The following ANKMY1 variants were observed in gnomAD, a reference collection of about 807,000 sequenced individuals.
ANKMY1 encodes ankyrin repeat and MYND domain-containing protein 1.
A neutral mutation model predicts 102.0 loss-of-function variants in ANKMY1; 98 were observed. That is an observed-to-expected ratio of 0.96 (90% CI 0.82 to 1.14). ANKMY1 has a LOEUF of 1.14. Ranked by LOEUF, ANKMY1 falls within the 50% of genes most tolerant of loss-of-function variation. ANKMY1 has a pLI of 0.00. For synonymous variants in ANKMY1, 582 were observed against 559.9 expected, an observed-to-expected ratio of 1.04 and a Z score of -0.56; for missense variants, 1,330 against 1,347.6, an observed-to-expected ratio of 0.99 and a Z score of 0.20.
chr2:240,530,568 C>G (rs933004793), intron 4 of ANKMY1, among the ~76,000 whole-genome samples: 5 of 152,220 alleles, frequency 3.3e-5, no homozygotes, highest in Non-Finnish European at 7.3e-5. Context: ...CCTGTACAAC[C>G]TGCAGAACCA....
Position 240,512,832 on chromosome 2 carries a change from G to A in ANKMY1, c.2115C>T (p.Ser705=), listed in dbSNP as rs377708027. The A allele has an allele frequency of 1.2e-5, 19 of 1,613,944 alleles. No individual in the cohort carries two copies. The highest frequency in any genetic ancestry group is 8.9e-5 in the East Asian group (4 of 44,860). Residue 705 remains serine, a synonymous_variant, in exon 10 of 18, where the codon TCC becomes TCT. Transcript: ENST00000401804. The part of the protein sequence containing the change: ...HAITDVDAKA[S]DEDDTYKPGK... ...CGGGCTTGTAAGTGTCGTCCTCGTC[G>A]GATGCCTTGGCGTCCACATCGGTGA...
chr2:240,485,811 T>C (rs1288371585), intron 15 of ANKMY1, among the ~76,000 whole-genome samples: 2 of 152,146 alleles, frequency 1.3e-5, no homozygotes, highest in Non-Finnish European at 2.9e-5. Context: ...CAGGTTGGTC[T>C]TAAACTCCTG....
chr2:240,488,813 G>A (rs1179919354), intron 15 of ANKMY1, among the ~76,000 whole-genome samples: 1 of 152,100 alleles, frequency 6.6e-6, no homozygotes, highest in East Asian at 1.9e-4. Context: ...TTGTATTTTA[G>A]TTTTGTATCC....
Position 240,520,287 on chromosome 2 carries a change from G to A in ANKMY1, c.2004+75C>T, listed in dbSNP as rs1185952059. The A allele has an allele frequency of 2.7e-6, 4 of 1,486,350 alleles. No homozygotes were observed. Among genetic ancestry groups the A allele is most frequent in the African/African-American group, 2.8e-5 (2 of 71,206 alleles). 92.1% of individuals were successfully genotyped at this position (1,486,350 alleles called of 1,614,324 possible). A position where few individuals can be genotyped will look rare whatever the true frequency, so the allele number is the denominator to read the frequency against. ...CCACCCCTCTCTTCCGCGCCTAGGTGGAGCGAGGAGCTTCCCGGCCAGTGC... is the reference window on the plus strand; with the variant it reads ...CCACCCCTCTCTTCCGCGCCTAGGTAGAGCGAGGAGCTTCCCGGCCAGTGC... On this transcript the variant is annotated intron_variant, in intron 9 of 17. Coordinates refer to ENST00000401804, the MANE Select transcript of ANKMY1 (RefSeq NM_001282771.3). The surrounding 1 kb of genome is among the most constrained non-coding windows in gnomAD (Gnocchi z 4.8).
At chr2:240,494,305 G>C (rs2076983398) in intron 15 of ANKMY1, among the ~76,000 whole-genome samples, 1 of 152,194 alleles carries the variant, frequency 6.6e-6, no homozygotes, top group Non-Finnish European at 1.5e-5. Flanking sequence ...GGTGGAAAAT[G>C]CATGTCTCCT....
In ANKMY1 at chr2:240,510,126, TTGCCCTCCCTGCCCTCCTCCCCAATCCG is replaced by T. The variant is rs1434034459; in HGVS notation, c.2287-699_2287-672del. ...CCTCCTTGCCCTTGTCTTCCCATCC[TTGCCCTCCCTGCCCTCCTCCCCAATCCG>T]TGCCCTCCCTGCCCTCCTCCCCCAG... On this transcript the variant is annotated intron_variant, in intron 11 of 17. Coordinates refer to ENST00000401804, the MANE Select transcript of ANKMY1 (RefSeq NM_001282771.3). 6.8e-5 allele frequency among the ~76,000 whole-genome samples: 6 copies of T among 87,962 alleles called. No individual in the cohort carries two copies. The East Asian group carries it at 1.1e-3, about 16-fold the overall frequency. 57.7% of individuals were successfully genotyped at this position (87,962 alleles called of 152,430 possible).
chr2:240,507,942 G>T, intron 12 of ANKMY1: 1 of 381,664 alleles, frequency 2.6e-6, no homozygotes. Context: ...CCACCCAGGT[G>T]GGCCAGTTCC....
intron 15 of ANKMY1, among the ~76,000 whole-genome samples, chr2:240,485,639 G>T (rs1358709279): frequency 6.6e-6 from 1 of 151,524 alleles, no homozygotes; most frequent in Non-Finnish European, 1.5e-5. Context: ...ACCCAGGCTG[G>T]AGTGCAGTGG....
chr2:240,477,752 A>C (rs2074951746), downstream of ANKMY1, among the ~76,000 whole-genome samples: 1 of 152,196 alleles, frequency 6.6e-6, no homozygotes. Context: ...ATATAATAAA[A>C]AATAAAGCTA....
downstream of ANKMY1, among the ~76,000 whole-genome samples, chr2:240,478,142 G>T (rs1392641053): frequency 6.6e-6 from 1 of 152,112 alleles, no homozygotes; most frequent in Non-Finnish European, 1.5e-5. Context: ...CGAAGTGCCG[G>T]CTTCCCCTTC....
chr2:240,529,498 T>C lies in ANKMY1; in HGVS notation c.492A>G (p.Lys164=), dbSNP rs1343485114. ...CACCTGGCCCAAACCGCTGGTCCGCTTTGTATAGCCCCTGCCAAGGAAGCG... is the reference window on the plus strand; with the variant it reads ...CACCTGGCCCAAACCGCTGGTCCGCCTTGTATAGCCCCTGCCAAGGAAGCG... ...MKTRLFQGLY[K]ADQRFGPGVE... Residue 164 remains lysine, a synonymous_variant, in exon 5 of 18, where the codon AAA becomes AAG. Coordinates refer to ENST00000401804, the MANE Select transcript of ANKMY1 (RefSeq NM_001282771.3). This position sits in a 1 kb window ranked among gnomAD's most constrained non-coding sequence, Gnocchi z 4.2. 8.7e-6 allele frequency: 14 copies of C among 1,612,652 alleles called. No homozygotes were observed. The East Asian group carries it at 3.1e-4, about 36-fold the overall frequency.
At chr2:240,547,400 A>G (rs1472703047) in intron 4 of ANKMY1, among the ~76,000 whole-genome samples, 1 of 151,684 alleles carries the variant, frequency 6.6e-6, no homozygotes, top group Non-Finnish European at 1.5e-5. Context: ...AATGCCCACA[A>G]GAGAAAGCAG....
At position 240,506,357 on chromosome 2, in the gene ANKMY1, C is replaced by A. The variant is rs1472195160; in HGVS notation, c.2526+1203G>T. Among the ~76,000 whole-genome samples, 1 of 152,194 alleles carries A rather than the reference C, an allele frequency of 6.6e-6. No individual in the cohort carries two copies. Among genetic ancestry groups the A allele is most frequent in the African/African-American group, 2.4e-5 (1 of 41,446 alleles). ...GAACATTAGGGGGCCCCTCCCAGCC[C>A]CCAGGTCCAGAAATGGTGCCGACTA... On this transcript the variant is annotated intron_variant, in intron 13 of 17. Coordinates refer to ENST00000401804, the MANE Select transcript of ANKMY1 (RefSeq NM_001282771.3). This position sits in a 1 kb window ranked among gnomAD's most constrained non-coding sequence, Gnocchi z 4.9.
Position 240,499,866 on chromosome 2 carries a change from CCA to C in ANKMY1, c.2806+90_2806+91del. The C allele has an allele frequency of 8.9e-6, 13 of 1,453,744 alleles. No individual in the cohort carries two copies. Among genetic ancestry groups the C allele is most frequent in the Admixed American group, 7.4e-5 (3 of 40,440 alleles). The allele number at this position is 1,453,744 out of a possible 1,614,324, so 90.1% of individuals were successfully genotyped here. ...CCCCAGGAAGGCCCCTCCAAGAGCC[CCA>C]GGGGGTCCAGATCTCCAGGGATAAC... is the stretch of plus-strand genomic sequence containing the variant. On this transcript the variant is annotated intron_variant, in intron 15 of 17. Coordinates refer to ENST00000401804, the MANE Select transcript of ANKMY1 (RefSeq NM_001282771.3). The surrounding 1 kb of genome is among the most constrained non-coding windows in gnomAD (Gnocchi z 4.2).
chr2:240,502,990 C>T (rs1200024691), intron 13 of ANKMY1, among the ~76,000 whole-genome samples: 1 of 152,154 alleles, frequency 6.6e-6, no homozygotes, highest in Non-Finnish European at 1.5e-5. Flanking sequence ...CCCCAGAGCC[C>T]GTCTCTCCAG....
intron 4 of ANKMY1, among the ~76,000 whole-genome samples, chr2:240,549,798 A>C (rs2091172011): frequency 6.6e-6 from 1 of 152,242 alleles, no homozygotes; most frequent in South Asian, 2.1e-4. Flanking sequence ...GAGAAATGCA[A>C]ATCAAAACCA....
chr2:240,528,577 T>C (rs547850927), intron 5 of ANKMY1, among the ~76,000 whole-genome samples: 2 of 152,070 alleles, frequency 1.3e-5, no homozygotes, highest in South Asian at 2.1e-4. Flanking sequence ...TAGGCGCTGA[T>C]GCAACGGTGG....
At position 240,529,623 on chromosome 2, in the gene ANKMY1, T is replaced by A; in HGVS notation, c.481-114A>T. The A allele has an allele frequency of 9.6e-7, 1 of 1,045,068 alleles. No homozygotes were observed. The highest frequency in any genetic ancestry group is 1.3e-6 in the Non-Finnish European group (1 of 741,414). The allele number at this position is 1,045,068 out of a possible 1,614,324, so 64.7% of individuals were successfully genotyped here. ...AAAGAAAACTTTCCCAAGAAATGCA[T>A]GCATTCAGCCAGTAAACATCTCTGG... On this transcript the variant is annotated intron_variant, in intron 4 of 17. Coordinates refer to ENST00000401804, the MANE Select transcript of ANKMY1 (RefSeq NM_001282771.3). This position sits in a 1 kb window ranked among gnomAD's most constrained non-coding sequence, Gnocchi z 4.2.
upstream of ANKMY1, chr2:240,560,507 C>T: frequency 1.0e-6 from 1 of 996,474 alleles, no homozygotes; most frequent in Non-Finnish European, 1.3e-6. Context: ...ACCCAAGCCC[C>T]CTGTCCCGGC....
Sources: allele counts gnomAD v4.1 joint callset (sites outside exome capture counted in the v4.1 genomes callset), GRCh38; gene constraint gnomAD v4.1.1; non-coding constraint Gnocchi (gnomAD v3.1); transcripts MANE v1.5; gene names NCBI Gene and HGNC (gene_info 2026-07-23, HGNC 2026-07-21).